Variants in COL23A1 observed in about 807,000 individuals in gnomAD.
COL23A1 encodes the protein collagen type XXIII alpha 1 chain, also known as collagen alpha-1(XXIII) chain.
Under a neutral mutation model 99.3 loss-of-function variants are expected in COL23A1, and 97 were observed. The observed-to-expected ratio is 0.98, with a 90% CI of 0.83 to 1.16. The LOEUF (loss-of-function observed/expected upper bound fraction) is 1.16, where lower values mean the gene tolerates loss of function less well. COL23A1 is among the 50% of genes most tolerant of loss of function. The probability of loss-of-function intolerance (pLI) is 0.00; values close to 1 mark genes in which losing one functional copy is unlikely to be tolerated. For missense variants in COL23A1, 762 were observed against 757.4 expected, an observed-to-expected ratio of 1.01 and a Z score of -0.07; for synonymous variants, 320 against 308.2, an observed-to-expected ratio of 1.04 and a Z score of -0.40.
chr5:178,263,174 G>T, intron 9 of COL23A1, 34 bp downstream of exon 9: 1 of 1,498,828 alleles, frequency 6.7e-7, no homozygotes, highest in Non-Finnish European at 9.3e-7. Flanking sequence ...TTTTGGTCAA[G>T]TCCTGCGTGG....
chr5:178,362,830 C>T (rs550221836), intron 2 of COL23A1, among the ~76,000 whole-genome samples: 1 of 152,190 alleles, frequency 6.6e-6, no homozygotes, highest in African/African-American at 2.4e-5. Flanking sequence ...CAGCCCAGCC[C>T]ATGGCACAGC....
At chr5:178,477,701 T>C (rs1757107287) in intron 2 of COL23A1, among the ~76,000 whole-genome samples, 1 of 152,096 alleles carries the variant, frequency 6.6e-6, no homozygotes, top group Non-Finnish European at 1.5e-5. Flanking sequence ...CATGTATGTG[T>C]GCAACTGTCA....
At chr5:178,424,308 C>T (rs939721066) in intron 2 of COL23A1, among the ~76,000 whole-genome samples, 1 of 152,252 alleles carries the variant, frequency 6.6e-6, no homozygotes, top group African/African-American at 2.4e-5. Context: ...ACATCTTCGC[C>T]GCATTGGGCA....
intron 2 of COL23A1, among the ~76,000 whole-genome samples, chr5:178,550,646 C>G (rs761558960): frequency 1.3e-5 from 2 of 152,032 alleles, no homozygotes; most frequent in Non-Finnish European, 2.9e-5. Context: ...GGAATATACC[C>G]CGGCATAAGA....
chr5:178,542,183 C>T (rs571657220), intron 2 of COL23A1, among the ~76,000 whole-genome samples: 1 of 152,226 alleles, frequency 6.6e-6, no homozygotes, highest in Non-Finnish European at 1.5e-5. Flanking sequence ...GCCACCACAA[C>T]CAACTAATTA....
At chr5:178,292,842 C>T (rs1009904432) in intron 3 of COL23A1, among the ~76,000 whole-genome samples, 3 of 152,098 alleles carry the variant, frequency 2.0e-5, no homozygotes, top group Non-Finnish European at 2.9e-5. Flanking sequence ...GCTTGGCACA[C>T]GTGGCACTGC....
At chr5:178,246,520 G>A in intron 22 of COL23A1, 67 bp from the exon 23 acceptor site, 1 of 1,486,324 alleles carries the variant, frequency 6.7e-7, no homozygotes, top group East Asian at 2.5e-5. Context: ...AGGCAAGCTT[G>A]GAGACTGCAA....
At chr5:178,552,678 A>T (rs1470854927) in intron 2 of COL23A1, among the ~76,000 whole-genome samples, 2 of 150,924 alleles carry the variant, frequency 1.3e-5, no homozygotes, top group African/African-American at 4.9e-5. Context: ...TGGGCAAAAA[A>T]GTGAGCTCCT....
rs1758527475 is a variant in COL23A1, at chr5:178,309,131, G to T, written c.362-2212C>A. Among the ~76,000 whole-genome samples, 1 of 152,230 alleles carries T rather than the reference G, an allele frequency of 6.6e-6. No homozygotes were observed. The highest frequency in any genetic ancestry group is 2.4e-5 in the African/African-American group (1 of 41,468). Reference sequence around the variant, plus strand: ...CTGTGCTTTCCTGATGGGAATCACTGGGTACGACTAGGAAGTTCTCCGTCT... The same window carrying T: ...CTGTGCTTTCCTGATGGGAATCACTTGGTACGACTAGGAAGTTCTCCGTCT... On this transcript the variant is annotated intron_variant, in intron 2 of 28. Coordinates refer to ENST00000390654, the MANE Select transcript of COL23A1 (RefSeq NM_173465.4). This position sits in a 1 kb window ranked among gnomAD's most constrained non-coding sequence, Gnocchi z 4.7.
chr5:178,262,938 C>G (rs1200027252), intron 9 of COL23A1, among the ~76,000 whole-genome samples: 1 of 151,942 alleles, frequency 6.6e-6, no homozygotes, highest in Non-Finnish European at 1.5e-5. Flanking sequence ...GGATCAGAGA[C>G]CCAGTTAGTG....
At chr5:178,420,422 T>C (rs1387259053) in intron 2 of COL23A1, among the ~76,000 whole-genome samples, 27 of 25,802 alleles carry the variant, frequency 1.0e-3, no homozygotes, top group Admixed American at 1.6e-3. Context: ...TGACCTCCCT[T>C]CTCCCCTCCC....
chr5:178,468,606 C>T lies in COL23A1; in HGVS notation c.361+92076G>A, dbSNP rs933786602. ...CCACACGCAGAGCAGCTTCCCCTCC[C>T]CTCGAGTCCCCCCAGGCAGCCTGGA... On this transcript the variant is annotated intron_variant, in intron 2 of 28. Transcript: ENST00000390654. This position sits in a 1 kb window ranked among gnomAD's most constrained non-coding sequence, Gnocchi z 4.2. 6.6e-6 allele frequency among the ~76,000 whole-genome samples: 1 copy of T among 152,130 alleles called. No individual in the cohort carries two copies. The highest frequency in any genetic ancestry group is 1.5e-5 in the Non-Finnish European group (1 of 68,020).
Position 178,344,757 on chromosome 5 carries a change from C to T in COL23A1, c.362-37838G>A, listed in dbSNP as rs1051794533. ...CACAGAACCTACTGAAACAGAGGGC[C>T]TACTGTATGCCCGTTGCCTCCAGAA... On this transcript the variant is annotated intron_variant, in intron 2 of 28. Coordinates refer to ENST00000390654, the MANE Select transcript of COL23A1 (RefSeq NM_173465.4). The T allele has an allele frequency of 9.6e-5, 43 of 447,702 alleles. 1 individual carries two copies. Among genetic ancestry groups the T allele is most frequent in the South Asian group, 2.2e-4 (11 of 50,256 alleles). 27.7% of individuals were successfully genotyped at this position (447,702 alleles called of 1,614,324 possible).
chr5:178,314,163 TC>T (rs1433717994), intron 2 of COL23A1, among the ~76,000 whole-genome samples: 1 of 152,040 alleles, frequency 6.6e-6, no homozygotes, highest in African/African-American at 2.4e-5. Context: ...GGCACTGTGG[TC>T]CTCCAGGAAT....
At chr5:178,344,985 C>T (rs1475404209) in intron 2 of COL23A1, 3 of 585,348 alleles carry the variant, frequency 5.1e-6, no homozygotes, top group Admixed American at 3.9e-5. Flanking sequence ...AAAAAGGAAC[C>T]TATTGCAGTG....
intron 2 of COL23A1, among the ~76,000 whole-genome samples, chr5:178,337,269 T>C (rs748001945): frequency 6.6e-6 from 1 of 152,162 alleles, no homozygotes; most frequent in Non-Finnish European, 1.5e-5. Flanking sequence ...GAGGAGAGCA[T>C]GCGTGTTCCT....
intron 2 of COL23A1, among the ~76,000 whole-genome samples, chr5:178,419,311 C>A (rs1164990600): frequency 6.6e-6 from 1 of 152,194 alleles, no homozygotes; most frequent in Non-Finnish European, 1.5e-5. Flanking sequence ...AAGAGCCAGT[C>A]GCATGGAGGG....
At chr5:178,331,650 C>T (rs565332898) in intron 2 of COL23A1, among the ~76,000 whole-genome samples, 37 of 152,252 alleles carry the variant, frequency 2.4e-4, no homozygotes, top group Admixed American at 9.1e-4. Context: ...CACCATAGGG[C>T]GCCTGAGTTT....
Position 178,309,270 on chromosome 5 carries a change from G to T in COL23A1, c.362-2351C>A, listed in dbSNP as rs900476831. Among the ~76,000 whole-genome samples the T allele has an allele frequency of 6.6e-6, 1 of 152,168 alleles. No individual in the cohort carries two copies. The highest frequency in any genetic ancestry group is 6.5e-5 in the Admixed American group (1 of 15,284). The stretch of plus-strand genomic sequence containing the variant: ...TAGGCAGAGGCTGATGGGGAGGGAT[G>T]CTGGCAGGGTGGGCAGCTGCCCAGG... On this transcript the variant is annotated intron_variant, in intron 2 of 28. Transcript: ENST00000390654. This position sits in a 1 kb window ranked among gnomAD's most constrained non-coding sequence, Gnocchi z 4.7.
Sources: gnomAD v4.1 joint callset for allele counts (sites outside exome capture counted in the v4.1 genomes callset) on GRCh38, gnomAD v4.1.1 for gene constraint, Gnocchi (gnomAD v3.1) non-coding constraint, MANE v1.5 for transcripts, NCBI Gene and HGNC (gene_info 2026-07-23, HGNC 2026-07-21) for gene names.